PRL: variants seen among roughly 807,000 people sequenced by gnomAD.
PRL encodes the protein decidual prolactin.
In PRL, 24 loss-of-function variants were observed where a neutral mutation model predicts 21.3. That is an observed-to-expected ratio of 1.13 (90% CI 0.82 to 1.59). PRL has a LOEUF of 1.59. Ranked by LOEUF, PRL falls within the 40% of genes most tolerant of loss-of-function variation. The probability of loss-of-function intolerance (pLI) is 0.00; values close to 1 mark genes in which losing one functional copy is unlikely to be tolerated. For missense variants in PRL, 243 were observed against 286.9 expected (o/e 0.85, Z 1.10); for synonymous variants, 118 against 115.7 (o/e 1.02, Z -0.13).
In PRL at chr6:22,288,426, T is replaced by C. The variant is rs776807482; in HGVS notation, c.493-833A>G. 9.2e-5 allele frequency among the ~76,000 whole-genome samples: 14 copies of C among 151,890 alleles called. No individual in the cohort carries two copies. The highest frequency in any genetic ancestry group is 1.8e-4 in the Non-Finnish European group (12 of 67,970). On this transcript the variant is annotated intron_variant, in intron 4 of 4. Coordinates refer to ENST00000306482, the MANE Select transcript of PRL (RefSeq NM_000948.6). The surrounding 1 kb of genome is among the most constrained non-coding windows in gnomAD (Gnocchi z 4.5). ...GGTGCACGCCTGTTGTCCCAGCTACTTGGGAGGCTGAGGCATGAGGATCGC... is the reference window on the plus strand; with the variant it reads ...GGTGCACGCCTGTTGTCCCAGCTACCTGGGAGGCTGAGGCATGAGGATCGC...
intron 1 of PRL, among the ~76,000 whole-genome samples, chr6:22,296,561 T>A (rs73389187): frequency 0.016 from 2,442 of 152,354 alleles, 53 homozygotes; most frequent in African/African-American, 0.055. Context: ...AGTCTTATTC[T>A]AGTCCAGAGT....
chr6:22,299,655 A>G (rs999229003), upstream of PRL, among the ~76,000 whole-genome samples: 5 of 152,200 alleles, frequency 3.3e-5, no homozygotes, highest in Admixed American at 6.5e-5. Flanking sequence ...TCTGATCAAT[A>G]TGGTGAAACC....
upstream of PRL, chr6:22,297,137 TC>T (rs537778544): frequency 3.7e-4 from 258 of 688,828 alleles, 1 homozygote; most frequent in South Asian, 1.3e-3. Flanking sequence ...TCTATTTCCG[TC>T]ATTGAGATTA....
chr6:22,295,786 C>T lies in PRL; in HGVS notation c.28+1169G>A, dbSNP rs1161943041. On this transcript the variant is annotated intron_variant, in intron 1 of 4. Coordinates refer to ENST00000306482, the MANE Select transcript of PRL (RefSeq NM_000948.6). ...ATATAAAACTGTGTTTATCACAAAACTTAAGTCCTTCAAAACCTTTAAGAA... is the reference window on the plus strand; with the variant it reads ...ATATAAAACTGTGTTTATCACAAAATTTAAGTCCTTCAAAACCTTTAAGAA... 2.0e-5 allele frequency among the ~76,000 whole-genome samples: 3 copies of T among 152,138 alleles called. No homozygotes were observed. In the East Asian group the frequency reaches 5.8e-4, roughly 29 times the overall value.
upstream of PRL, chr6:22,297,095 G>A: frequency 9.2e-7 from 1 of 1,083,750 alleles, no homozygotes; most frequent in Non-Finnish European, 1.4e-6. Flanking sequence ...TGAATATAAT[G>A]AATCAGGCAT....
upstream of PRL, among the ~76,000 whole-genome samples, chr6:22,300,095 G>A (rs554105521): frequency 1.3e-5 from 2 of 152,126 alleles, no homozygotes; most frequent in African/African-American, 4.8e-5. Context: ...AATAGGACGT[G>A]TGCTGTTTTC....
intron 3 of PRL, among the ~76,000 whole-genome samples, chr6:22,292,119 T>C (rs949957478): frequency 2.0e-5 from 3 of 152,130 alleles, no homozygotes; most frequent in Non-Finnish European, 4.4e-5. Context: ...GCTCCAATAG[T>C]GCAGGGGTCA....
At chr6:22,296,212 C>A (rs565853189) in intron 1 of PRL, among the ~76,000 whole-genome samples, 1 of 152,208 alleles carries the variant, frequency 6.6e-6, no homozygotes, top group South Asian at 2.1e-4. Flanking sequence ...AAGCCCAAAA[C>A]GAGATAAAAT....
chr6:22,292,678 G>A (rs371051167), intron 2 of PRL, 33 bp from the exon 3 acceptor site: 2 of 1,564,770 alleles, frequency 1.3e-6, no homozygotes, highest in Admixed American at 3.4e-5. Flanking sequence ...AATTAGTTGG[G>A]GTTGTTTGGG....
chr6:22,293,642 G>GGAAAA (rs1472938142), intron 2 of PRL, among the ~76,000 whole-genome samples: 3 of 48,296 alleles, frequency 6.2e-5, no homozygotes, highest in African/African-American at 2.5e-4. Flanking sequence ...AAGGAAGGAA[G>GGAAAA]GAAGGAAGGA....
chr6:22,300,451 A>G (rs1761262470), upstream of PRL, among the ~76,000 whole-genome samples: 1 of 152,214 alleles, frequency 6.6e-6, no homozygotes, highest in Non-Finnish European at 1.5e-5. Context: ...GCTGTAATCA[A>G]TGACACTATT....
intron 2 of PRL, among the ~76,000 whole-genome samples, chr6:22,293,783 AGAAGGAAGGAAGGAGGGAAG>A (rs1201979770): frequency 7.7e-6 from 1 of 129,048 alleles, no homozygotes; most frequent in South Asian, 2.8e-4. Context: ...AGGGAAGGGA[AGAAGGAAGGAAGGAGGGAAG>A]GAAGGAAGGA....
chr6:22,294,658 G>A, intron 1 of PRL, 74 bp from the exon 2 acceptor site: 3 of 1,452,024 alleles, frequency 2.1e-6, no homozygotes, highest in Non-Finnish European at 2.7e-6. Flanking sequence ...TCCTGCCGAG[G>A]AAAGCCTTAT....
chr6:22,300,867 C>T (rs1256065448), upstream of PRL, among the ~76,000 whole-genome samples: 1 of 152,124 alleles, frequency 6.6e-6, no homozygotes, highest in Non-Finnish European at 1.5e-5. Context: ...TGGTCTAGTT[C>T]TATGAAGTCT....
intron 4 of PRL, among the ~76,000 whole-genome samples, chr6:22,289,544 G>A (rs909886924): frequency 6.6e-6 from 1 of 152,172 alleles, no homozygotes; most frequent in African/African-American, 2.4e-5. Flanking sequence ...TTTAGAATGA[G>A]ACAACTTTCT....
intron 1 of PRL, among the ~76,000 whole-genome samples, chr6:22,295,896 A>G (rs1320591076): frequency 6.6e-6 from 1 of 152,358 alleles, no homozygotes; most frequent in East Asian, 1.9e-4. Flanking sequence ...ACACTTAAAA[A>G]TACCTAAAAA....
rs187518755 is a variant in PRL at position 22,289,431 on chromosome 6, A to T, written c.492+743T>A. ...GAAATTATCCCATCTGAATGGAGAT[A>T]TCTATTGCAAATACTAACACAATCT... On this transcript the variant is annotated intron_variant, in intron 4 of 4. Coordinates refer to ENST00000306482, the MANE Select transcript of PRL (RefSeq NM_000948.6). Among the ~76,000 whole-genome samples, 68 of 152,336 alleles carry T rather than the reference A, an allele frequency of 4.5e-4. 1 individual carries two copies. Among genetic ancestry groups the T allele is most frequent in the Admixed American group, 1.7e-3 (26 of 15,304 alleles).
In PRL at chr6:22,294,420, A is replaced by G. The variant is rs747753387; in HGVS notation, c.193T>C (p.Phe65Leu). The change falls in exon 2 of 5, where the codon TTC becomes CTC. Residue 65 changes from phenylalanine to leucine, a missense_variant. By Grantham distance (22) the Phe-to-Leu change is conservative (BLOSUM62 0). Transcript: ENST00000306482. ...AGCATGGTACTTACGAATTCGCTGA[A>G]CATTTCTGAGGAGAGGTTATGGATG... The part of the protein sequence containing the change: ...HYIHNLSSEM[F>L]SEFDKRYTHG... 6.2e-7 allele frequency: 1 copy of G among 1,614,140 alleles called. No homozygotes were observed. Among genetic ancestry groups the G allele is most frequent in the Non-Finnish European group, 8.5e-7 (1 of 1,180,030 alleles).
upstream of PRL, among the ~76,000 whole-genome samples, chr6:22,301,833 A>G (rs1161363364): frequency 6.6e-6 from 1 of 152,026 alleles, no homozygotes; most frequent in African/African-American, 2.4e-5. Flanking sequence ...GCTTTTTACC[A>G]TTGGGGTTGA....
Sources: gnomAD v4.1 joint callset for allele counts (sites outside exome capture counted in the v4.1 genomes callset) on GRCh38, gnomAD v4.1.1 for gene constraint, Gnocchi (gnomAD v3.1) non-coding constraint, MANE v1.5 for transcripts, NCBI Gene and HGNC (gene_info 2026-07-23, HGNC 2026-07-21) for gene names.